ECEL1: variants seen among roughly 807,000 people sequenced by gnomAD.
ECEL1 encodes endothelin-converting enzyme-like 1.
In ECEL1, 87 loss-of-function variants were observed where a neutral mutation model predicts 101.8. The observed-to-expected ratio is 0.85, with a 90% CI of 0.72 to 1.02. The LOEUF (loss-of-function observed/expected upper bound fraction) is 1.02, where lower values mean the gene tolerates loss of function less well. ECEL1 is among the 50% of genes least tolerant of loss of function. The pLI is 0.00. For missense variants in ECEL1, 1,032 were observed against 1,079.2 expected, an observed-to-expected ratio of 0.96 and a Z score of 0.61; for synonymous variants, 487 against 468.7, an observed-to-expected ratio of 1.04 and a Z score of -0.50.
chr2:232,486,054 G>C lies in ECEL1; in HGVS notation c.600C>G (p.Pro200=). The change falls in exon 2 of 18, where the codon CCC becomes CCG. Residue 200 remains proline (P), a synonymous_variant. Transcript: ENST00000304546. ...MREIERLGPR[P]MLEVIEDCGG... ...CGCAGTCCTCGATGACCTCTAGCAT[G>C]GGTCGCGGGCCCAGTCGCTCGATCT... 6.2e-7 allele frequency: 1 copy of C among 1,608,006 alleles called. No individual in the cohort carries two copies. Among genetic ancestry groups the C allele is most frequent in the Non-Finnish European group, 8.5e-7 (1 of 1,178,182 alleles).
chr2:232,487,706 G>C lies in ECEL1; in HGVS notation c.-102+13C>G, dbSNP rs1205303445. Reference sequence around the variant, plus strand: ...GTGGTGGCCTCAGCGGCAGGGACTCGGGCGCCACTTACCCGGCAGGTGCGC... The same window carrying C: ...GTGGTGGCCTCAGCGGCAGGGACTCCGGCGCCACTTACCCGGCAGGTGCGC... On this transcript the variant is annotated intron_variant, in intron 1 of 17. Transcript: ENST00000304546. 2.0e-5 allele frequency: 3 copies of C among 151,186 alleles called. No homozygotes were observed. Among genetic ancestry groups the C allele is most frequent in the African/African-American group, 7.3e-5 (3 of 41,290 alleles). The allele number at this position is 151,186 out of a possible 1,614,324, so 9.4% of individuals were successfully genotyped here.
rs754018411 is a variant in ECEL1, at chr2:232,480,437, C to G, written c.2190G>C (p.Leu730=). 4 of 1,613,836 alleles carry G rather than the reference C, an allele frequency of 2.5e-6. No homozygotes were observed. In the Admixed American group the frequency reaches 6.7e-5, roughly 27 times the overall value. Residue 730 remains leucine (L), a synonymous_variant, in exon 17 of 18, where the codon CTG becomes CTC. Transcript: ENST00000304546. ...GGGCATGCTTGTCAGTCAGCACCTG[C>G]AGGTAGATGGACTGCGACCGCCGCT... ...CIKRRSQSIY[L]QVLTDKHAPE...
intron 1 of ECEL1, among the ~76,000 whole-genome samples, chr2:232,487,496 C>A (rs1290775752): frequency 6.6e-6 from 1 of 152,108 alleles, no homozygotes. Flanking sequence ...CGAAGTTTCA[C>A]CCCCGGCGGG....
At chr2:232,485,745 T>C (rs1575078354) in intron 2 of ECEL1, 123 bp downstream of exon 2, 4 of 1,290,170 alleles carry the variant, frequency 3.1e-6, no homozygotes, top group South Asian at 1.4e-5. Context: ...CCCTCCCCTC[T>C]CCTGCTCGTC....
Position 232,486,401 on chromosome 2 carries a change from G to C in ECEL1, c.253C>G (p.Leu85Val). Residue 85 changes from leucine to valine, a missense_variant, in exon 2 of 18, where the codon CTG becomes GTG. Physicochemically the swap from Leu to Val is conservative, Grantham distance 32. Transcript: ENST00000304546. ...ILAAMLALKY[L>V]GPVAAGGGAC... ...CCGCCGCCGGCCGCGACCGGGCCCA[G>C]GTACTTGAGGGCCAGCATAGCCGCC... 2 of 1,475,124 alleles carry C rather than the reference G, an allele frequency of 1.4e-6. No homozygotes were observed. The highest frequency in any genetic ancestry group is 1.8e-6 in the Non-Finnish European group (2 of 1,125,272). 91.4% of individuals were successfully genotyped at this position (1,475,124 alleles called of 1,614,324 possible). A position where few individuals can be genotyped will look rare whatever the true frequency, so the allele number is the denominator to read the frequency against.
chr2:232,485,897 C>G lies in ECEL1; in HGVS notation c.757G>C (p.Asp253His). The change falls in exon 2 of 18, where the codon GAC (aspartate) becomes CAC (histidine). Residue 253 changes from aspartate (D) to histidine (H), a missense_variant. Physicochemically the swap from Asp to His is moderately conservative, Grantham distance 81. Coordinates refer to ENST00000304546, the MANE Select transcript of ECEL1 (RefSeq NM_004826.4). ...ALFSLTVSLD[D>H]RNSSRYVIRI... ...ATGACGTAGCGCGAGGAGTTCCTGT[C>G]GTCCAGGCTGACCGTGAGCGAGAAG... 5.1e-6 allele frequency: 8 copies of G among 1,565,986 alleles called. No homozygotes were observed. The highest frequency in any genetic ancestry group is 6.9e-6 in the Non-Finnish European group (8 of 1,158,622).
intron 8 of ECEL1, 73 bp downstream of exon 8, chr2:232,483,343 G>A (rs760185996): frequency 4.2e-5 from 65 of 1,559,436 alleles, no homozygotes; most frequent in Non-Finnish European, 5.7e-5. Flanking sequence ...TGTCCCTTTT[G>A]TTCTCTTTCG....
intron 2 of ECEL1, 32 bp downstream of exon 2, chr2:232,485,836 C>T (rs937763375): frequency 2.0e-6 from 3 of 1,538,040 alleles, no homozygotes; most frequent in Admixed American, 2.0e-5. Context: ...GGATCCGCGG[C>T]CGCTGGCAGG....
At chr2:232,483,076 C>T (rs749652211) in intron 9 of ECEL1, 29 bp downstream of exon 9, 3 of 1,610,064 alleles carry the variant, frequency 1.9e-6, no homozygotes, top group African/African-American at 2.7e-5. Flanking sequence ...GGGCTGTGGA[C>T]AGGCTGGGCA....
chr2:232,482,460 G>A lies in ECEL1; in HGVS notation c.1754C>T (p.Ala585Val), dbSNP rs775694744. The A allele has an allele frequency of 8.7e-6, 14 of 1,613,904 alleles. No homozygotes were observed. Among genetic ancestry groups the A allele is most frequent in the Middle Eastern group, 3.3e-4 (2 of 6,084 alleles). Residue 585 changes from alanine to valine, a missense_variant, in exon 12 of 18, where the codon GCG (alanine) becomes GTG (valine). Transcript: ENST00000304546. ...GTACAGGGTGGGCTGCAGGATGCCC[G>A]CGGGGAACACTACAAGAAGGGGGTG... ...LPNKNQMVFPAGILQPTLYDP... is the reference protein window; with the variant it reads ...LPNKNQMVFPVGILQPTLYDP...
Position 232,480,257 on chromosome 2 carries a change from G to A in ECEL1, c.2229-5C>T, listed in dbSNP as rs1559271747. On this transcript the variant is annotated splice_region_variant and splice_polypyrimidine_tract_variant and intron_variant, in intron 17 of 17. Transcript: ENST00000304546. ...TGGGACACACTGCCCAGCACCCTGG[G>A]GTGGGGAGAGACCCACACAGTGTTG... 1 of 1,613,600 alleles carries A rather than the reference G, an allele frequency of 6.2e-7. No individual in the cohort carries two copies. Among genetic ancestry groups the A allele is most frequent in the Non-Finnish European group, 8.5e-7 (1 of 1,179,778 alleles).
rs1223959437 is a variant in ECEL1, at chr2:232,480,171, G to A, written c.2310C>T (p.His770=). ...GCCAGGCTCACCACACGGAACACTTGTGGGCAGGGTTCATGGGTGAGTCCT... is the reference window on the plus strand; with the variant it reads ...GCCAGGCTCACCACACGGAACACTTATGGGCAGGGTTCATGGGTGAGTCCT... The part of the protein sequence containing the change: ...CPKDSPMNPA[H]KCSVW Residue 770 remains histidine, a synonymous_variant, in exon 18 of 18, where the codon CAC becomes CAT. Coordinates refer to ENST00000304546, the MANE Select transcript of ECEL1 (RefSeq NM_004826.4). 3.1e-6 allele frequency: 5 copies of A among 1,613,992 alleles called. No individual in the cohort carries two copies. In the East Asian group the frequency reaches 1.1e-4, roughly 36 times the overall value.
chr2:232,483,186 G>A lies in ECEL1; in HGVS notation c.1507-7C>T. 1 of 1,597,890 alleles carries A rather than the reference G, an allele frequency of 6.3e-7. No homozygotes were observed. Among genetic ancestry groups the A allele is most frequent in the Non-Finnish European group, 8.5e-7 (1 of 1,173,168 alleles). On this transcript the variant is annotated splice_region_variant and splice_polypyrimidine_tract_variant and intron_variant, in intron 8 of 17. Coordinates refer to ENST00000304546, the MANE Select transcript of ECEL1 (RefSeq NM_004826.4). ...TCACCATCATGTACTGGAGCTGCGG[G>A]CCGAGGGCAGGTGAAGGTGGCACCA...
intron 12 of ECEL1, 39 bp downstream of exon 12, chr2:232,482,379 C>T: frequency 6.2e-7 from 1 of 1,613,256 alleles, no homozygotes; most frequent in South Asian, 1.1e-5. Context: ...CAATGCCAGC[C>T]CTGCCCTCAG....
At chr2:232,480,640 G>A in intron 16 of ECEL1, 78 bp downstream of exon 16, 1 of 1,545,312 alleles carries the variant, frequency 6.5e-7, no homozygotes. Context: ...CGAAGCCTGG[G>A]CAAGGCAGGA....
Position 232,485,195 on chromosome 2 carries a change from G to A in ECEL1, c.855+4C>T. ...CCCTGCCTCCCCATCCCATGCCCCA[G>A]CACCTTCTCACTGTCCTCATCCTGA... On this transcript the variant is annotated splice_donor_region_variant and intron_variant, in intron 3 of 17. Coordinates refer to ENST00000304546, the MANE Select transcript of ECEL1 (RefSeq NM_004826.4). The A allele has an allele frequency of 1.2e-6, 2 of 1,613,536 alleles. No homozygotes were observed. The highest frequency in any genetic ancestry group is 1.7e-6 in the Non-Finnish European group (2 of 1,179,976).
intron 2 of ECEL1, 123 bp downstream of exon 2, chr2:232,485,745 T>TCCTGCTCGTCTCTTCCCTCCTCTCC (rs1690703114): frequency 7.8e-7 from 1 of 1,290,050 alleles, no homozygotes; most frequent in South Asian, 1.4e-5. Flanking sequence ...CCCTCCCCTC[T>TCCTGCTCGTCTCTTCCCTCCTCTCC]CCTGCTCGTC....
At position 232,486,555 on chromosome 2, in the gene ECEL1, C is replaced by A; in HGVS notation, c.99G>T (p.Leu33=). ...CGAGGARGAS[L]PPGFPLGAAR... ...CAGCGCCCAACGGGAAGCCCGGGGG[C>A]AGGGAGGCCCCGCGCGCGCCCCCCG... The change falls in exon 2 of 18, where the codon CTG becomes CTT. Residue 33 remains leucine (L), a synonymous_variant. Transcript: ENST00000304546. The A allele has an allele frequency of 7.3e-7, 1 of 1,361,454 alleles. No individual in the cohort carries two copies. The highest frequency in any genetic ancestry group is 3.5e-5 in the Admixed American group (1 of 28,736). 84.3% of individuals were successfully genotyped at this position (1,361,454 alleles called of 1,614,324 possible). A position where few individuals can be genotyped will look rare whatever the true frequency, so the allele number is the denominator to read the frequency against.
rs772373675 is a variant in ECEL1, at chr2:232,484,082, C to A, written c.1326G>T (p.Leu442Phe). 6.2e-7 allele frequency: 1 copy of A among 1,613,838 alleles called. No individual in the cohort carries two copies. The highest frequency in any genetic ancestry group is 1.7e-5 in the Admixed American group (1 of 60,034). Residue 442 changes from leucine (L) to phenylalanine (F), a missense_variant, in exon 7 of 18, where the codon TTG becomes TTT. Physicochemically the swap from Leu to Phe is conservative, Grantham distance 22. Coordinates refer to ENST00000304546, the MANE Select transcript of ECEL1 (RefSeq NM_004826.4). ...DKPQELARVC[L>F]GQANRHFGMA... ...TGCCAAAGTGGCGATTGGCCTGGCCCAAGCAGACCCGGGCCAGCTCCTGTG... is the reference window on the plus strand; with the variant it reads ...TGCCAAAGTGGCGATTGGCCTGGCCAAAGCAGACCCGGGCCAGCTCCTGTG...
Sources: allele counts gnomAD v4.1 joint callset (sites outside exome capture counted in the v4.1 genomes callset), GRCh38; gene constraint gnomAD v4.1.1; transcripts MANE v1.5; gene names NCBI Gene and HGNC (gene_info 2026-07-23, HGNC 2026-07-21).